The following POU2F1 variants were observed in gnomAD, a reference collection of about 807,000 sequenced individuals.
POU2F1 encodes POU class 2 homeobox 1, also known as POU domain, class 2, transcription factor 1.
Under a neutral mutation model 84.9 loss-of-function variants are expected in POU2F1, and 16 were observed. The ratio of observed to expected loss-of-function variants is 0.19; its 90% CI spans 0.13 to 0.29. POU2F1 has a LOEUF of 0.29. Ranked by LOEUF, POU2F1 falls within the 10% of genes least tolerant of loss-of-function variation. POU2F1 has a pLI of 1.00. For synonymous variants in POU2F1, 368 were observed against 368.3 expected, an observed-to-expected ratio of 1.00 and a Z score of 0.01; for missense variants, 738 against 942.6, an observed-to-expected ratio of 0.78 and a Z score of 2.84.
At chr1:167,403,129 A>AT (rs1307469305) in intron 13 of POU2F1, among the ~76,000 whole-genome samples, 1 of 149,128 alleles carries the variant, frequency 6.7e-6, no homozygotes, top group Non-Finnish European at 1.5e-5. Context: ...TCTATTTGTG[A>AT]TTTTTTTCTG....
At chr1:167,371,441 TGTTA>T in intron 4 of POU2F1, among the ~76,000 whole-genome samples, 1 of 152,296 alleles carries the variant, frequency 6.6e-6, no homozygotes, top group African/African-American at 2.4e-5. Context: ...TGAGCTTGTG[TGTTA>T]GTTGATGGGA....
chr1:167,363,838 T>C (rs1659496848), intron 2 of POU2F1, among the ~76,000 whole-genome samples: 2 of 152,168 alleles, frequency 1.3e-5, no homozygotes, highest in South Asian at 4.1e-4. Flanking sequence ...TACCTAATTA[T>C]TCATTCTTAT....
chr1:167,342,635 A>G (rs1657931431), intron 2 of POU2F1, among the ~76,000 whole-genome samples: 1 of 152,184 alleles, frequency 6.6e-6, no homozygotes. Flanking sequence ...ATAAAATACC[A>G]GTGTTTTCCA....
At chr1:167,307,417 T>C (rs1655146984) in intron 1 of POU2F1, among the ~76,000 whole-genome samples, 1 of 151,880 alleles carries the variant, frequency 6.6e-6, no homozygotes, top group Non-Finnish European at 1.5e-5. Flanking sequence ...ATACACATCT[T>C]GTGACTAGGG....
intron 1 of POU2F1, among the ~76,000 whole-genome samples, chr1:167,263,198 GAT>G (rs1269660805): frequency 2.6e-5 from 4 of 152,156 alleles, no homozygotes; most frequent in Non-Finnish European, 4.4e-5. Flanking sequence ...TGTAAGAAAA[GAT>G]ATGTTTTTGT....
intron 1 of POU2F1, among the ~76,000 whole-genome samples, chr1:167,278,493 T>C (rs1474449043): frequency 6.6e-6 from 1 of 152,212 alleles, no homozygotes; most frequent in Non-Finnish European, 1.5e-5. Flanking sequence ...TATTTGTCAT[T>C]TGTCCATAAA....
At chr1:167,234,611 A>G (rs754316153) in intron 1 of POU2F1, among the ~76,000 whole-genome samples, 2 of 152,174 alleles carry the variant, frequency 1.3e-5, no homozygotes, top group Non-Finnish European at 2.9e-5. Flanking sequence ...GTACTTGCCT[A>G]TAGTCCTAAC....
chr1:167,279,637 G>A (rs1390515658), intron 1 of POU2F1, among the ~76,000 whole-genome samples: 1 of 152,164 alleles, frequency 6.6e-6, no homozygotes, highest in Non-Finnish European at 1.5e-5. Flanking sequence ...AGAATTGCTT[G>A]AACCCTGGAG....
chr1:167,293,757 G>A (rs1338697656), intron 1 of POU2F1, among the ~76,000 whole-genome samples: 4 of 152,110 alleles, frequency 2.6e-5, no homozygotes, highest in East Asian at 1.9e-4. Context: ...TATAAAAGTC[G>A]GCATGTAGAC....
In POU2F1 at chr1:167,416,945, G is replaced by GT. The variant is rs1162236459; in HGVS notation, c.*1138dup. The GT allele has an allele frequency of 6.6e-6, 1 of 152,052 alleles. No homozygotes were observed. The highest frequency in any genetic ancestry group is 2.4e-5 in the African/African-American group (1 of 41,418). 9.4% of individuals were successfully genotyped at this position (152,052 alleles called of 1,614,324 possible). A position where few individuals can be genotyped will look rare whatever the true frequency, so the allele number is the denominator to read the frequency against. On this transcript the variant is annotated 3_prime_UTR_variant, in exon 16 of 16. Coordinates refer to ENST00000367866, the MANE Select transcript of POU2F1 (RefSeq NM_002697.4). ...AAATGCTCCTGCTGTTGGTGTGTTT[G>GT]TTTGTTTGTTCCATTTTGTGGAAGT... is the stretch of plus-strand genomic sequence containing the variant.
intron 1 of POU2F1, among the ~76,000 whole-genome samples, chr1:167,258,253 T>C (rs1383976092): frequency 1.3e-5 from 2 of 152,190 alleles, no homozygotes; most frequent in Non-Finnish European, 2.9e-5. Flanking sequence ...CATTTTCTAC[T>C]GTTTCTTATA....
chr1:167,248,847 A>C (rs1457559756), intron 1 of POU2F1, among the ~76,000 whole-genome samples: 1 of 152,182 alleles, frequency 6.6e-6, no homozygotes, highest in Non-Finnish European at 1.5e-5. Context: ...TTTAATTTTC[A>C]TAACAACTTT....
At chr1:167,388,469 T>C (rs773919542) in intron 8 of POU2F1, among the ~76,000 whole-genome samples, 5 of 152,102 alleles carry the variant, frequency 3.3e-5, no homozygotes, top group African/African-American at 4.8e-5. Flanking sequence ...GTGGAAAAAA[T>C]AACTAATATG....
At chr1:167,394,195 T>C (rs1648637515) in intron 9 of POU2F1, among the ~76,000 whole-genome samples, 1 of 151,922 alleles carries the variant, frequency 6.6e-6, no homozygotes. Context: ...AATTTTTGTA[T>C]TTTTAACAGA....
At chr1:167,323,281 A>G (rs1397719769) in intron 1 of POU2F1, among the ~76,000 whole-genome samples, 1 of 152,232 alleles carries the variant, frequency 6.6e-6, no homozygotes, top group African/African-American at 2.4e-5. Context: ...GAAATGGTAA[A>G]ACTTTAATAG....
rs186314837 is a variant in POU2F1, at chr1:167,234,313, G to T, written c.61+13355G>T. On this transcript the variant is annotated intron_variant, in intron 1 of 15. Coordinates refer to ENST00000367866, the MANE Select transcript of POU2F1 (RefSeq NM_002697.4). ...TGGAGACACAGACAATTGATTATCA[G>T]ATCTAATGTTAACTTAGCTTTCAGG... 8.7e-4 allele frequency among the ~76,000 whole-genome samples: 133 copies of T among 152,318 alleles called. 1 individual carries two copies. Among genetic ancestry groups the T allele is most frequent in the African/African-American group, 3.1e-3 (127 of 41,572 alleles).
chr1:167,373,291 T>C, intron 5 of POU2F1, among the ~76,000 whole-genome samples: 1 of 152,240 alleles, frequency 6.6e-6, no homozygotes, highest in East Asian at 1.9e-4. Context: ...CATTTACTAC[T>C]TTAAGTGTGT....
In POU2F1 at chr1:167,415,600, T is replaced by A. The variant is rs1323621596; in HGVS notation, c.2091T>A (p.Pro697=). 6.2e-7 allele frequency: 1 copy of A among 1,614,056 alleles called. No individual in the cohort carries two copies. The highest frequency in any genetic ancestry group is 8.5e-7 in the Non-Finnish European group (1 of 1,180,028). ...GAGCCCCCAACATCGTGACTGCCCC[T>A]CTGTTCCTGAACCCTCAGAACCTCT... is the stretch of plus-strand genomic sequence containing the variant. ...AGGAPNIVTA[P]LFLNPQNLSL... Residue 697 remains proline, a synonymous_variant, in exon 16 of 16, where the codon CCT becomes CCA. Coordinates refer to ENST00000367866, the MANE Select transcript of POU2F1 (RefSeq NM_002697.4).
intron 1 of POU2F1, among the ~76,000 whole-genome samples, chr1:167,306,553 T>A (rs889480302): frequency 2.6e-5 from 4 of 152,188 alleles, no homozygotes; most frequent in Non-Finnish European, 5.9e-5. Flanking sequence ...TTCTCATTTT[T>A]CAAATGAGAA....
Sources: gnomAD v4.1 joint callset for allele counts (sites outside exome capture counted in the v4.1 genomes callset) on GRCh38, gnomAD v4.1.1 for gene constraint, MANE v1.5 for transcripts, NCBI Gene and HGNC (gene_info 2026-07-23, HGNC 2026-07-21) for gene names.